Variants in PCDH19 observed in about 807,000 individuals in gnomAD.
PCDH19 encodes protocadherin-19.
Under a neutral mutation model 46.2 loss-of-function variants are expected in PCDH19, and 6 were observed. The ratio of observed to expected loss-of-function variants is 0.13; its 90% confidence interval spans 0.07 to 0.26. The LOEUF is 0.26. PCDH19 is among the 10% of genes least tolerant of loss of function. PCDH19 has a pLI of 1.00. For missense variants in PCDH19, 740 were observed against 972.3 expected, an observed-to-expected ratio of 0.76 and a Z score of 3.18; for synonymous variants, 481 against 415.7, an observed-to-expected ratio of 1.16 and a Z score of -1.91.
intron 3 of PCDH19, among the ~76,000 whole-genome samples, chrX:100,374,430 C>T (rs917578444): frequency 2.7e-5 from 3 of 111,839 alleles, no homozygotes; most frequent in East Asian, 2.8e-4. Context: ...TGCCATTATG[C>T]TATTAATATT....
intron 3 of PCDH19, among the ~76,000 whole-genome samples, chrX:100,355,328 T>C (rs777111484): frequency 9.0e-6 from 1 of 111,710 alleles, no homozygotes; most frequent in East Asian, 2.8e-4. Flanking sequence ...TCTTTATAAA[T>C]GTAAATTATT....
In PCDH19 at chrX:100,322,861, A is replaced by ATT. The variant is rs1157437894; in HGVS notation, c.2848+19041_2848+19042insAA. Among the ~76,000 whole-genome samples, 24 of 44,413 alleles carry ATT rather than the reference A, an allele frequency of 5.4e-4. 1 individual carries two copies. The highest frequency in any genetic ancestry group is 2.5e-3 in the African/African-American group (23 of 9,332). The allele number at this position is 44,413 out of a possible 115,157, so 38.6% of individuals were successfully genotyped here. A position where few individuals can be genotyped will look rare whatever the true frequency, so the allele number is the denominator to read the frequency against. On this transcript the variant is annotated intron_variant, in intron 5 of 5. Coordinates refer to ENST00000373034, the MANE Select transcript of PCDH19 (RefSeq NM_001184880.2). ...TATATATATATATATATATATATAT[A>ATT]TATATTTTTGCAGCTATTGTAAAAG...
intron 5 of PCDH19, among the ~76,000 whole-genome samples, chrX:100,306,496 C>T (rs1924950263): frequency 1.8e-5 from 2 of 110,475 alleles, no homozygotes; most frequent in South Asian, 7.7e-4. Context: ...AAGGTCACAC[C>T]TCATTAAACT....
At chrX:100,390,367 C>A (rs1041408848) in intron 3 of PCDH19, among the ~76,000 whole-genome samples, 2 of 112,105 alleles carry the variant, frequency 1.8e-5, no homozygotes, top group African/African-American at 6.5e-5. Flanking sequence ...TACTCTCTAA[C>A]AGCAGGGCAC....
chrX:100,381,867 T>C (rs1257537360), intron 3 of PCDH19, among the ~76,000 whole-genome samples: 1 of 111,673 alleles, frequency 9.0e-6, no homozygotes, highest in Non-Finnish European at 1.9e-5. Context: ...TGAGGTTTAC[T>C]CTGGGTCTGT....
intron 5 of PCDH19, among the ~76,000 whole-genome samples, chrX:100,331,470 C>A (rs1334372479): frequency 1.8e-5 from 2 of 111,617 alleles, no homozygotes; most frequent in Non-Finnish European, 3.8e-5. Context: ...TGTGTGTGAT[C>A]CCCTAAAAAG....
chrX:100,371,560 T>A (rs751270929), intron 3 of PCDH19, among the ~76,000 whole-genome samples: 1 of 111,270 alleles, frequency 9.0e-6, no homozygotes, highest in Non-Finnish European at 1.9e-5. Flanking sequence ...TTAGGCCTCA[T>A]TGAAGCCTTA....
rs926688509 is a variant in PCDH19 at position 100,407,503 on chromosome X, G to A, written c.1095C>T (p.Gly365=). The A allele has an allele frequency of 8.3e-7, 1 of 1,211,435 alleles. No homozygotes were observed. Among genetic ancestry groups the A allele is most frequent in the Non-Finnish European group, 1.1e-6 (1 of 895,624 alleles). Residue 365 remains glycine, a synonymous_variant, in exon 1 of 6, where the codon GGC becomes GGT. Transcript: ENST00000373034. ...LVEVSESAPP[G]YVIALVRVSD... ...ACACCCGCACCAAGGCGATCACGTA[G>A]CCCGGGGGGGCGCTCTCGCTGACCT...
chrX:100,338,470 A>G (rs1251610648), intron 5 of PCDH19, among the ~76,000 whole-genome samples: 1 of 103,614 alleles, frequency 9.7e-6, no homozygotes, highest in African/African-American at 3.5e-5. Flanking sequence ...TGCAGTGAGT[A>G]GAGATCGCAC....
chrX:100,396,707 G>A (rs1201298740), intron 3 of PCDH19, among the ~76,000 whole-genome samples: 1 of 112,281 alleles, frequency 8.9e-6, no homozygotes, highest in African/African-American at 3.2e-5. Context: ...CAGAGGAACA[G>A]TTTATTCTGG....
At chrX:100,377,911 A>G (rs1163130314) in intron 3 of PCDH19, among the ~76,000 whole-genome samples, 2 of 112,353 alleles carry the variant, frequency 1.8e-5, no homozygotes, top group African/African-American at 3.2e-5. Context: ...AGGAAATCCA[A>G]TACGAAATAG....
At chrX:100,345,211 C>T (rs1245864213) in intron 4 of PCDH19, among the ~76,000 whole-genome samples, 1 of 111,520 alleles carries the variant, frequency 9.0e-6, no homozygotes, top group Non-Finnish European at 1.9e-5. Flanking sequence ...CATCATTATT[C>T]TGTGTAGTAA....
At chrX:100,393,706 C>G in intron 3 of PCDH19, among the ~76,000 whole-genome samples, 1 of 111,806 alleles carries the variant, frequency 8.9e-6, no homozygotes, top group Non-Finnish European at 1.9e-5. Context: ...CAGAGACCGC[C>G]AAGGCCAGTG....
intron 3 of PCDH19, among the ~76,000 whole-genome samples, chrX:100,372,735 T>C (rs1224449928): frequency 8.9e-6 from 1 of 112,309 alleles, no homozygotes; most frequent in Non-Finnish European, 1.9e-5. Context: ...CTCTTGCTTT[T>C]TTGGGGAAAC....
At chrX:100,333,167 AAGGAAGG>A (rs1569294658) in intron 5 of PCDH19, among the ~76,000 whole-genome samples, 1,005 of 34,272 alleles carry the variant, frequency 0.029, 29 homozygotes, top group Middle Eastern at 0.063. Flanking sequence ...GGAAGGAAGG[AAGGAAGG>A]GAGAGAGAGA....
chrX:100,316,405 A>G (rs1171979536), intron 5 of PCDH19, among the ~76,000 whole-genome samples: 1 of 112,402 alleles, frequency 8.9e-6, no homozygotes. Context: ...ATGTCTTGAC[A>G]TTCATATCCA....
At chrX:100,310,062 A>T (rs1330162574) in intron 5 of PCDH19, among the ~76,000 whole-genome samples, 1 of 112,395 alleles carries the variant, frequency 8.9e-6, no homozygotes, top group Non-Finnish European at 1.9e-5. Context: ...AAAATAGATT[A>T]AAAAGATGCC....
rs1466790154 is a variant in PCDH19, at chrX:100,292,342, C to T, written c.*3935G>A. ...ATCATCAGTTTTCCCTAATGACCTA[C>T]AATGCTTTCCAATCAAGATCAGGTG... On this transcript the variant is annotated 3_prime_UTR_variant, in exon 6 of 6. Coordinates refer to ENST00000373034, the MANE Select transcript of PCDH19 (RefSeq NM_001184880.2). The T allele has an allele frequency of 8.9e-6, 1 of 112,930 alleles. No homozygotes were observed. The allele number at this position is 112,930 out of a possible 1,213,427, so 9.3% of individuals were successfully genotyped here.
At chrX:100,318,525 C>T (rs754758998) in intron 5 of PCDH19, among the ~76,000 whole-genome samples, 2 of 112,045 alleles carry the variant, frequency 1.8e-5, no homozygotes, top group Admixed American at 9.5e-5. Context: ...GAAGACATCA[C>T]GCCATCAGGC....
Sources: allele counts gnomAD v4.1 joint callset (sites outside exome capture counted in the v4.1 genomes callset), GRCh38; gene constraint gnomAD v4.1.1; transcripts MANE v1.5; gene names NCBI Gene and HGNC (gene_info 2026-07-23, HGNC 2026-07-21).